Variants in GALNT13 observed in about 807,000 individuals in gnomAD.
The protein encoded by GALNT13 is UDP-GalNAc:polypeptide N-acetylgalactosaminyltransferase 13.
Under a neutral mutation model 64.2 loss-of-function variants are expected in GALNT13, and 28 were observed. That is an observed-to-expected ratio of 0.44 (90% CI 0.32 to 0.60). GALNT13 has a LOEUF of 0.60. Among genes scored for constraint, GALNT13 ranks in the 20% least tolerant of loss-of-function variants. The probability of loss-of-function intolerance (pLI) is 0.05; values close to 1 mark genes in which losing one functional copy is unlikely to be tolerated. For synonymous variants in GALNT13, 214 were observed against 224.6 expected (o/e 0.95, Z 0.42); for missense variants, 577 against 669.8 (o/e 0.86, Z 1.53).
At chr2:154,117,500 A>G (rs1296233005) in intron 3 of GALNT13, among the ~76,000 whole-genome samples, 1 of 141,816 alleles carries the variant, frequency 7.1e-6, no homozygotes, top group East Asian at 4.3e-4. Flanking sequence ...GCTCCAACAT[A>G]TGAGTGAGAA....
chr2:153,380,042 A>T, the GALNT13 span, among the ~76,000 whole-genome samples: 3 of 152,110 alleles, frequency 2.0e-5, no homozygotes, highest in African/African-American at 7.2e-5. Context: ...AACAGTGGTA[A>T]GTGGAGGTGG....
chr2:153,449,494 C>T, the GALNT13 span, among the ~76,000 whole-genome samples: 2 of 152,184 alleles, frequency 1.3e-5, no homozygotes, highest in African/African-American at 4.8e-5. Flanking sequence ...CTTCCATTGT[C>T]CCTCCTGCCC....
At chr2:153,964,066 C>CT (rs34001244) in intron 3 of GALNT13, among the ~76,000 whole-genome samples, 1 of 151,364 alleles carries the variant, frequency 6.6e-6, no homozygotes, top group African/African-American at 2.4e-5. Context: ...GTTAAAGTTC[C>CT]TTTTTTTTCC....
chr2:153,328,585 C>T, the GALNT13 span, among the ~76,000 whole-genome samples: 17 of 152,254 alleles, frequency 1.1e-4, no homozygotes, highest in South Asian at 1.2e-3. Context: ...TCGAACTTCC[C>T]GGTGGCTTTG....
At chr2:153,149,918 G>A in the GALNT13 span, among the ~76,000 whole-genome samples, 1 of 151,734 alleles carries the variant, frequency 6.6e-6, no homozygotes, top group Non-Finnish European at 1.5e-5. Context: ...ATTAAGAATG[G>A]CAGGGGTTTT....
intron 11 of GALNT13, among the ~76,000 whole-genome samples, chr2:154,433,840 G>T (rs1340311746): frequency 1.3e-5 from 2 of 152,080 alleles, no homozygotes; most frequent in Non-Finnish European, 2.9e-5. Flanking sequence ...TAAAGGGTTA[G>T]TGGTGTTGTG....
At chr2:153,134,887 G>A in the GALNT13 span, among the ~76,000 whole-genome samples, 1 of 152,122 alleles carries the variant, frequency 6.6e-6, no homozygotes, top group Non-Finnish European at 1.5e-5. Flanking sequence ...TGCATCATAT[G>A]CACATTTAAC....
intron 3 of GALNT13, among the ~76,000 whole-genome samples, chr2:154,043,081 A>G (rs934610497): frequency 1.3e-5 from 2 of 152,062 alleles, no homozygotes; most frequent in Non-Finnish European, 2.9e-5. Context: ...AGCAATGAGA[A>G]CATCATATGC....
At chr2:154,082,552 C>A (rs1180879231) in intron 3 of GALNT13, among the ~76,000 whole-genome samples, 1 of 151,626 alleles carries the variant, frequency 6.6e-6, no homozygotes, top group African/African-American at 2.4e-5. Context: ...CTGAAAGGAA[C>A]AAATGATAAA....
chr2:153,235,482 G>A, the GALNT13 span, among the ~76,000 whole-genome samples: 2 of 152,204 alleles, frequency 1.3e-5, no homozygotes, highest in African/African-American at 4.8e-5. Flanking sequence ...ATTCTGGGTG[G>A]TCTGCTGGCA....
intron 9 of GALNT13, among the ~76,000 whole-genome samples, chr2:154,379,487 A>G (rs1698164599): frequency 2.0e-5 from 3 of 152,032 alleles, no homozygotes; most frequent in South Asian, 2.1e-4. Flanking sequence ...GTCTATTAAC[A>G]TTGTCTAATA....
chr2:154,051,265 T>A (rs1405625706), intron 3 of GALNT13, among the ~76,000 whole-genome samples: 1 of 151,122 alleles, frequency 6.6e-6, no homozygotes. Context: ...GTGGTGATAA[T>A]TATCTTACTC....
the GALNT13 span, among the ~76,000 whole-genome samples, chr2:153,074,162 G>T: frequency 6.6e-6 from 1 of 152,114 alleles, no homozygotes; most frequent in East Asian, 1.9e-4. Flanking sequence ...ATTGCAAAAT[G>T]GTGGTATTCT....
At chr2:154,423,986 TA>T (rs1700365467) in intron 11 of GALNT13, among the ~76,000 whole-genome samples, 1 of 152,184 alleles carries the variant, frequency 6.6e-6, no homozygotes, top group Admixed American at 6.5e-5. Flanking sequence ...AGCCATGAGA[TA>T]AACATTAGAA....
chr2:153,854,471 G>T, the GALNT13 span, among the ~76,000 whole-genome samples: 3 of 151,766 alleles, frequency 2.0e-5, no homozygotes, highest in South Asian at 2.1e-4. Flanking sequence ...ATCCCAGCTA[G>T]TAGGGAGGCT....
At chr2:153,236,208 A>T in the GALNT13 span, among the ~76,000 whole-genome samples, 1 of 152,174 alleles carries the variant, frequency 6.6e-6, no homozygotes, top group Non-Finnish European at 1.5e-5. Flanking sequence ...CATGAAGTTA[A>T]GGAAAGAAAA....
At chr2:154,423,378 G>T (rs899666744) in intron 11 of GALNT13, among the ~76,000 whole-genome samples, 9 of 152,110 alleles carry the variant, frequency 5.9e-5, no homozygotes, top group African/African-American at 2.2e-4. Context: ...ACATACGTGT[G>T]CATGTGTCTT....
At chr2:154,269,499 ACTTTT>A (rs1158178161) in intron 8 of GALNT13, among the ~76,000 whole-genome samples, 1 of 151,716 alleles carries the variant, frequency 6.6e-6, no homozygotes, top group Non-Finnish European at 1.5e-5. Context: ...TTTGCAGGAT[ACTTTT>A]CTTTAAATAT....
chr2:153,129,131 T>C, the GALNT13 span, among the ~76,000 whole-genome samples: 1 of 152,198 alleles, frequency 6.6e-6, no homozygotes, highest in South Asian at 2.1e-4. Flanking sequence ...TTAGCCTGCA[T>C]AGTCATTTCT....
Sources: gnomAD v4.1 joint callset for allele counts (sites outside exome capture counted in the v4.1 genomes callset) on GRCh38, gnomAD v4.1.1 for gene constraint, MANE v1.5 for transcripts, NCBI Gene and HGNC (gene_info 2026-07-23, HGNC 2026-07-21) for gene names.